GPC5: variants seen among roughly 807,000 people sequenced by gnomAD.
The protein encoded by GPC5 is glypican-5.
GPC5 carries 47 observed loss-of-function variants against 53.9 expected under a neutral mutation model. That is an observed-to-expected ratio of 0.87 (90% CI 0.69 to 1.11). The LOEUF (loss-of-function observed/expected upper bound fraction) is 1.11, where lower values mean the gene tolerates loss of function less well. Ranked by LOEUF, GPC5 falls within the 50% of genes most tolerant of loss-of-function variation. The pLI, the probability that GPC5 is intolerant of heterozygous loss-of-function variation, is 0.00. For missense variants in GPC5, 748 were observed against 713.1 expected, an observed-to-expected ratio of 1.05 and a Z score of -0.56; for synonymous variants, 286 against 263.3, an observed-to-expected ratio of 1.09 and a Z score of -0.84.
intron 7 of GPC5, among the ~76,000 whole-genome samples, chr13:92,825,242 G>A (rs578022523): frequency 6.6e-6 from 1 of 152,134 alleles, no homozygotes; most frequent in East Asian, 1.9e-4. Context: ...TAAGAATGAA[G>A]GATTTAGACA....
At chr13:92,192,238 GGAT>G in intron 7 of GPC5, among the ~76,000 whole-genome samples, 1 of 152,224 alleles carries the variant, frequency 6.6e-6, no homozygotes, top group African/African-American at 2.4e-5. Context: ...TTGATACTTT[GGAT>G]GATAATGATG....
chr13:91,987,484 G>A (rs2138727885), intron 6 of GPC5, among the ~76,000 whole-genome samples: 1 of 152,204 alleles, frequency 6.6e-6, no homozygotes, highest in Middle Eastern at 3.4e-3. Flanking sequence ...AGTTCACAGG[G>A]ACTACTTTTA....
intron 7 of GPC5, among the ~76,000 whole-genome samples, chr13:92,769,719 T>C (rs72641100): frequency 0.064 from 9,744 of 152,282 alleles, 450 homozygotes; most frequent in Admixed American, 0.12. Flanking sequence ...GTATTTACAT[T>C]ATTTTATAGA....
At chr13:92,862,622 TAGAC>T (rs201381230) in intron 7 of GPC5, among the ~76,000 whole-genome samples, 6,107 of 124,594 alleles carry the variant, frequency 0.049, 165 homozygotes, top group East Asian at 0.13. Context: ...TGGAGATAGA[TAGAC>T]AGATAGATAG....
At chr13:91,936,158 C>G (rs949300071) in intron 6 of GPC5, among the ~76,000 whole-genome samples, 9 of 152,034 alleles carry the variant, frequency 5.9e-5, no homozygotes, top group Non-Finnish European at 1.2e-4. Context: ...GCTCAAGTCT[C>G]TCTGTCTTGC....
chr13:92,328,703 A>G (rs1298466553), intron 7 of GPC5, among the ~76,000 whole-genome samples: 1 of 152,086 alleles, frequency 6.6e-6, no homozygotes, highest in Non-Finnish European at 1.5e-5. Context: ...GGAAAGAAAA[A>G]CGTTAATCAA....
At chr13:92,396,936 G>T (rs1448531223) in intron 7 of GPC5, among the ~76,000 whole-genome samples, 1 of 152,144 alleles carries the variant, frequency 6.6e-6, no homozygotes, top group Admixed American at 6.5e-5. Flanking sequence ...TAGAGAGGAG[G>T]CCTTTGCTAT....
intron 7 of GPC5, among the ~76,000 whole-genome samples, chr13:92,445,761 T>C (rs1339675930): frequency 7.9e-5 from 12 of 152,038 alleles, no homozygotes; most frequent in Non-Finnish European, 7.4e-5. Context: ...TCGTGAATAA[T>C]GCCGCAATAA....
intron 7 of GPC5, among the ~76,000 whole-genome samples, chr13:92,577,563 A>C (rs906883120): frequency 6.6e-6 from 1 of 152,110 alleles, no homozygotes; most frequent in Non-Finnish European, 1.5e-5. Flanking sequence ...TCCAAAATCC[A>C]TGTGGTTTAC....
intron 1 of GPC5, among the ~76,000 whole-genome samples, chr13:91,404,651 G>C (rs1411265065): frequency 1.3e-5 from 2 of 152,164 alleles, no homozygotes; most frequent in Non-Finnish European, 2.9e-5. Context: ...CACAGCCCTT[G>C]ATTAGTTGCA....
intron 7 of GPC5, among the ~76,000 whole-genome samples, chr13:92,744,245 T>C (rs1465704286): frequency 6.6e-6 from 1 of 151,624 alleles, no homozygotes; most frequent in Non-Finnish European, 1.5e-5. Context: ...AAAAAAAATA[T>C]GTACATAGAG....
intron 7 of GPC5, among the ~76,000 whole-genome samples, chr13:92,308,784 G>A (rs2043127527): frequency 6.6e-6 from 1 of 152,036 alleles, no homozygotes; most frequent in Admixed American, 6.6e-5. Flanking sequence ...GGGTTCTTAA[G>A]TTTCTCTTTA....
intron 6 of GPC5, among the ~76,000 whole-genome samples, chr13:92,143,180 T>C (rs562926112): frequency 3.9e-5 from 6 of 152,096 alleles, no homozygotes; most frequent in Non-Finnish European, 7.4e-5. Flanking sequence ...TGTCTCGTGG[T>C]TGGTATATGT....
intron 3 of GPC5, among the ~76,000 whole-genome samples, chr13:91,711,370 C>A (rs1329137517): frequency 6.6e-6 from 1 of 152,088 alleles, no homozygotes; most frequent in Non-Finnish European, 1.5e-5. Context: ...AAACCAAACA[C>A]CTCATGTTCT....
chr13:91,574,838 T>C (rs577652562), intron 2 of GPC5, among the ~76,000 whole-genome samples: 64 of 152,260 alleles, frequency 4.2e-4, no homozygotes, highest in African/African-American at 1.5e-3. Context: ...CTGTCCATGT[T>C]CTAATACTCC....
chr13:92,415,218 A>C (rs1292639050), intron 7 of GPC5, among the ~76,000 whole-genome samples: 1 of 152,212 alleles, frequency 6.6e-6, no homozygotes, highest in Non-Finnish European at 1.5e-5. Flanking sequence ...ACTTCAATTA[A>C]TTGATTTTAA....
chr13:91,438,981 T>C (rs1472134467), intron 1 of GPC5, among the ~76,000 whole-genome samples: 3 of 152,244 alleles, frequency 2.0e-5, no homozygotes, highest in Non-Finnish European at 4.4e-5. Flanking sequence ...TATAATCTCC[T>C]GGTGTGCTGT....
At chr13:92,462,812 G>T (rs1878544689) in intron 7 of GPC5, among the ~76,000 whole-genome samples, 1 of 151,538 alleles carries the variant, frequency 6.6e-6, no homozygotes, top group Non-Finnish European at 1.5e-5. Context: ...TGCCTCCCAG[G>T]TTCAAGTGAT....
At chr13:92,496,139 T>A (rs1330267162) in intron 7 of GPC5, among the ~76,000 whole-genome samples, 3 of 152,176 alleles carry the variant, frequency 2.0e-5, no homozygotes, top group Non-Finnish European at 2.9e-5. Flanking sequence ...GGTAGTGCTG[T>A]AAATTCTTTT....
Sources: gnomAD v4.1 joint callset for allele counts (sites outside exome capture counted in the v4.1 genomes callset) on GRCh38, gnomAD v4.1.1 for gene constraint, MANE v1.5 for transcripts, NCBI Gene and HGNC (gene_info 2026-07-23, HGNC 2026-07-21) for gene names.